Variants in TMEM132E observed in about 807,000 individuals in gnomAD.
The protein encoded by TMEM132E is transmembrane protein 132E.
A neutral mutation model predicts 78.5 loss-of-function variants in TMEM132E; 49 were observed. That is an observed-to-expected ratio of 0.62 (90% CI 0.50 to 0.79). The LOEUF (loss-of-function observed/expected upper bound fraction) is 0.79. Among genes scored for constraint, TMEM132E ranks in the 30% least tolerant of loss-of-function variants. The probability of loss-of-function intolerance (pLI) is 0.00; values close to 1 mark genes in which losing one functional copy is unlikely to be tolerated. For missense variants in TMEM132E, 1,403 were observed against 1,470.9 expected (o/e 0.95, Z 0.75); for synonymous variants, 715 against 670.6 (o/e 1.07, Z -1.02).
Position 34,637,772 on chromosome 17 carries a change from C to G in TMEM132E, c.2765C>G (p.Pro922Arg). The G allele has an allele frequency of 6.2e-7, 1 of 1,613,532 alleles. No individual in the cohort carries two copies. Among genetic ancestry groups the G allele is most frequent in the Non-Finnish European group, 8.5e-7 (1 of 1,179,986 alleles). Reference sequence around the variant, plus strand: ...CTGCGCTACCGGCACAAGCGCATCCCGCCCGAGGGCCAGACCAGCATGGAC... The same window carrying G: ...CTGCGCTACCGGCACAAGCGCATCCGGCCCGAGGGCCAGACCAGCATGGAC... ...FVLRYRHKRI[P>R]PEGQTSMDHS... The change falls in exon 9 of 9, where the codon CCG becomes CGG. Residue 922 changes from proline to arginine, a missense_variant. Transcript: ENST00000631683.
At chr17:34,613,211 A>ACACACACACACACACG in intron 1 of TMEM132E, among the ~76,000 whole-genome samples, 2 of 115,856 alleles carry the variant, frequency 1.7e-5, no homozygotes, top group South Asian at 6.8e-4. Context: ...ACACACACAC[A>ACACACACACACACACG]CGCGCGCGCG....
chr17:34,637,343 C>T lies in TMEM132E; in HGVS notation c.2336C>T (p.Ser779Leu). ...FPLVVAEAEG[S>L]GELLRAELTI... ...CTGGTAGTGGCTGAGGCCGAGGGGT[C>T]AGGGGAGCTGCTTCGCGCAGAGCTA... Residue 779 changes from serine (S) to leucine (L), a missense_variant, in exon 9 of 9, where the codon TCA (serine) becomes TTA (leucine). Coordinates refer to ENST00000631683, the MANE Select transcript of TMEM132E (RefSeq NM_001304438.2). 1 of 1,614,034 alleles carries T rather than the reference C, an allele frequency of 6.2e-7. No individual in the cohort carries two copies. The highest frequency in any genetic ancestry group is 1.7e-5 in the Admixed American group (1 of 60,034).
At chr17:34,630,613 C>T (rs971758309) in intron 5 of TMEM132E, among the ~76,000 whole-genome samples, 2 of 152,102 alleles carry the variant, frequency 1.3e-5, no homozygotes, top group East Asian at 1.9e-4. Context: ...AAAGACCTGC[C>T]GTGAACCCAG....
At chr17:34,586,330 T>G (rs1905677587) in intron 1 of TMEM132E, among the ~76,000 whole-genome samples, 1 of 152,048 alleles carries the variant, frequency 6.6e-6, no homozygotes, top group South Asian at 2.1e-4. Flanking sequence ...TCTTTAAAAT[T>G]TTTCCTTCTC....
chr17:34,596,942 G>A (rs1297369991), intron 1 of TMEM132E, among the ~76,000 whole-genome samples: 1 of 149,556 alleles, frequency 6.7e-6, no homozygotes, highest in Non-Finnish European at 1.5e-5. Context: ...CTCTCCTCCT[G>A]CCTGGCTGCA....
intron 5 of TMEM132E, among the ~76,000 whole-genome samples, chr17:34,632,035 G>A (rs1032039829): frequency 6.6e-6 from 1 of 152,226 alleles, no homozygotes; most frequent in Non-Finnish European, 1.5e-5. Flanking sequence ...TCAGTATCCA[G>A]GTGGGCAGGC....
intron 1 of TMEM132E, among the ~76,000 whole-genome samples, chr17:34,607,871 A>G (rs1388270242): frequency 6.6e-6 from 1 of 152,150 alleles, no homozygotes; most frequent in Non-Finnish European, 1.5e-5. Flanking sequence ...GTCCCCCTGA[A>G]GTTGGGGTGT....
rs554903924 is a variant in TMEM132E at position 34,586,164 on chromosome 17, C to G, written c.67+5021C>G. On this transcript the variant is annotated intron_variant, in intron 1 of 8. Coordinates refer to ENST00000631683, the MANE Select transcript of TMEM132E (RefSeq NM_001304438.2). ...CGCCTCTCTCCCCTGATTCCTGCAG[C>G]CGATGCTAACAAGTGGAAGAATCGT... is the stretch of plus-strand genomic sequence containing the variant. Among the ~76,000 whole-genome samples, 12 of 152,264 alleles carry G rather than the reference C, an allele frequency of 7.9e-5. No homozygotes were observed. In the South Asian group the frequency reaches 1.5e-3, roughly 18 times the overall value.
intron 2 of TMEM132E, 124 bp from the exon 3 acceptor site, chr17:34,628,439 G>A (rs1301771957): frequency 4.8e-5 from 54 of 1,130,394 alleles, no homozygotes; most frequent in Non-Finnish European, 6.0e-5. Context: ...AAACATCCAG[G>A]ACTCGGGGTA....
In TMEM132E at chr17:34,632,821, G is replaced by T; in HGVS notation, c.1600G>T (p.Val534Phe). 2 of 1,614,186 alleles carry T rather than the reference G, an allele frequency of 1.2e-6. No homozygotes were observed. Among genetic ancestry groups the T allele is most frequent in the Non-Finnish European group, 1.7e-6 (2 of 1,180,036 alleles). The change falls in exon 6 of 9, where the codon GTC (valine) becomes TTC (phenylalanine). Residue 534 changes from valine to phenylalanine, a missense_variant. This residue lies in a region of TMEM132E where 888 missense variants were observed against 952.8 expected (regional missense o/e 0.93). Transcript: ENST00000631683. ...LNAPLEMTVW[V>F]PKLPLHIELS... ...TGCTCCCCTGGAAATGACAGTCTGG[G>T]TCCCCAAGCTGCCCTTGCACATTGA...
intron 1 of TMEM132E, among the ~76,000 whole-genome samples, chr17:34,618,791 C>G (rs1461196688): frequency 6.6e-6 from 1 of 152,218 alleles, no homozygotes; most frequent in Non-Finnish European, 1.5e-5. Context: ...CTGCAACGCT[C>G]TGCTCCACAG....
rs573559433 is a variant in TMEM132E, at chr17:34,633,682, G to A, written c.1688+773G>A. ...CAGGTGGCCAAGTGAGAATTGGGCT[G>A]AGTTCAACTCAGAGAGATTTGGAAG... On this transcript the variant is annotated intron_variant, in intron 6 of 8. Coordinates refer to ENST00000631683, the MANE Select transcript of TMEM132E (RefSeq NM_001304438.2). 1.2e-3 allele frequency among the ~76,000 whole-genome samples: 180 copies of A among 152,352 alleles called. 2 individuals are homozygous for A. Among genetic ancestry groups the A allele is most frequent in the African/African-American group, 4.1e-3 (172 of 41,580 alleles).
chr17:34,584,166 T>C (rs1282071555), intron 1 of TMEM132E, among the ~76,000 whole-genome samples: 1 of 152,244 alleles, frequency 6.6e-6, no homozygotes, highest in Admixed American at 6.5e-5. Context: ...ATTTATGATC[T>C]TGTCCAAATC....
chr17:34,607,914 C>T (rs769996384), intron 1 of TMEM132E, among the ~76,000 whole-genome samples: 12 of 152,162 alleles, frequency 7.9e-5, no homozygotes, highest in Non-Finnish European at 1.2e-4. Context: ...ATATTGTTCA[C>T]CAACCTGGGA....
chr17:34,581,236 CT>C, intron 1 of TMEM132E, 93 bp downstream of exon 1: 1 of 1,153,144 alleles, frequency 8.7e-7, no homozygotes, highest in Non-Finnish European at 1.1e-6. Context: ...CCCACACCCC[CT>C]GGACTCGCAG....
intron 1 of TMEM132E, among the ~76,000 whole-genome samples, chr17:34,599,071 C>T (rs1040326773): frequency 6.6e-6 from 1 of 152,178 alleles, no homozygotes; most frequent in Non-Finnish European, 1.5e-5. Context: ...AGACAGGGGT[C>T]CCAAGGAGAA....
chr17:34,620,414 C>T (rs76658201), intron 1 of TMEM132E, among the ~76,000 whole-genome samples: 3 of 152,364 alleles, frequency 2.0e-5, no homozygotes, highest in Non-Finnish European at 4.4e-5. Flanking sequence ...CAGGGCCCAC[C>T]GGGCCCAAGT....
chr17:34,623,153 C>G (rs550486199), intron 1 of TMEM132E, among the ~76,000 whole-genome samples: 1 of 152,146 alleles, frequency 6.6e-6, no homozygotes, highest in Non-Finnish European at 1.5e-5. Flanking sequence ...TTTTGCCAGA[C>G]CAGGTCCTCC....
At chr17:34,604,314 A>G (rs1415466888) in intron 1 of TMEM132E, among the ~76,000 whole-genome samples, 2 of 152,146 alleles carry the variant, frequency 1.3e-5, no homozygotes, top group African/African-American at 2.4e-5. Context: ...GGACCATGAC[A>G]GCTGCATTCT....
Sources: allele counts gnomAD v4.1 joint callset (sites outside exome capture counted in the v4.1 genomes callset), GRCh38; gene constraint gnomAD v4.1.1; regional missense constraint gnomAD v4.1.1; transcripts MANE v1.5; gene names NCBI Gene and HGNC (gene_info 2026-07-23, HGNC 2026-07-21).